Variants in METTL15 observed in about 807,000 individuals in gnomAD.
METTL15 encodes 12S rRNA N(4)-cytidine methyltransferase METTL15.
A neutral mutation model predicts 38.3 loss-of-function variants in METTL15; 34 were observed. That is an observed-to-expected ratio of 0.89 (90% CI 0.68 to 1.18). The LOEUF is 1.18. METTL15 is among the 50% of genes most tolerant of loss of function. The pLI is 0.00. For synonymous variants in METTL15, 162 were observed against 170.9 expected, an observed-to-expected ratio of 0.95 and a Z score of 0.41; for missense variants, 438 against 498.4, an observed-to-expected ratio of 0.88 and a Z score of 1.15.
chr11:28,310,517 A>T (rs1857238595), intron 6 of METTL15, among the ~76,000 whole-genome samples: 1 of 152,108 alleles, frequency 6.6e-6, no homozygotes, highest in South Asian at 2.1e-4. Context: ...ATAATTTTTT[A>T]GAATCTTAAT....
At chr11:28,154,560 G>A (rs1237088125) in intron 3 of METTL15, among the ~76,000 whole-genome samples, 1 of 152,076 alleles carries the variant, frequency 6.6e-6, no homozygotes, top group Non-Finnish European at 1.5e-5. Context: ...TATAAATTTT[G>A]TTATTAGATA....
chr11:28,489,588 CTGAG>C (rs1851476499), intron 6 of METTL15, among the ~76,000 whole-genome samples: 1 of 151,900 alleles, frequency 6.6e-6, no homozygotes, highest in Non-Finnish European at 1.5e-5. Context: ...GAAAGGGAGA[CTGAG>C]TGCTATGGAA....
intron 6 of METTL15, among the ~76,000 whole-genome samples, chr11:28,506,239 A>AC (rs1333395483): frequency 2.6e-5 from 4 of 152,126 alleles, no homozygotes; most frequent in Non-Finnish European, 5.9e-5. Flanking sequence ...GTTTCTACTA[A>AC]CCATATTGGC....
At chr11:28,263,855 G>A (rs1033620641) in intron 4 of METTL15, among the ~76,000 whole-genome samples, 1 of 151,896 alleles carries the variant, frequency 6.6e-6, no homozygotes, top group African/African-American at 2.4e-5. Context: ...AAGTATGGTT[G>A]TATTCTGTCA....
chr11:28,432,188 T>C (rs1850938391), intron 6 of METTL15, among the ~76,000 whole-genome samples: 1 of 152,232 alleles, frequency 6.6e-6, no homozygotes, highest in African/African-American at 2.4e-5. Context: ...AAAAATGGTA[T>C]AGATAGTTAT....
chr11:28,222,289 G>A (rs185383206), intron 4 of METTL15, among the ~76,000 whole-genome samples: 7 of 152,274 alleles, frequency 4.6e-5, no homozygotes, highest in East Asian at 3.9e-4. Flanking sequence ...CTCCCTTGCC[G>A]TTTGATCTCA....
intron 3 of METTL15, among the ~76,000 whole-genome samples, chr11:28,194,516 C>T (rs896089485): frequency 6.6e-5 from 10 of 151,656 alleles, no homozygotes; most frequent in East Asian, 5.8e-4. Context: ...TTTCATTCTG[C>T]GGTTGAAACT....
intron 5 of METTL15, among the ~76,000 whole-genome samples, chr11:28,396,343 C>T (rs1298395624): frequency 6.6e-6 from 1 of 152,112 alleles, no homozygotes; most frequent in Non-Finnish European, 1.5e-5. Context: ...ATTTAGAAAA[C>T]CCCATTGTCT....
downstream of METTL15, among the ~76,000 whole-genome samples, chr11:28,336,701 C>T (rs140048705): frequency 1.1e-4 from 17 of 152,246 alleles, no homozygotes; most frequent in East Asian, 1.3e-3. Flanking sequence ...CACAGGGCAA[C>T]GTAATAGTCA....
At chr11:28,244,753 A>G (rs1854441142) in intron 4 of METTL15, among the ~76,000 whole-genome samples, 1 of 152,254 alleles carries the variant, frequency 6.6e-6, no homozygotes, top group African/African-American at 2.4e-5. Context: ...ATAGTTGAGA[A>G]GCCAAACAGG....
At chr11:28,246,286 G>A (rs567762333) in intron 4 of METTL15, among the ~76,000 whole-genome samples, 113 of 152,206 alleles carry the variant, frequency 7.4e-4, no homozygotes, top group African/African-American at 2.6e-3. Flanking sequence ...AATATCATAT[G>A]TGTTTGAAAA....
intron 4 of METTL15, among the ~76,000 whole-genome samples, chr11:28,217,470 A>C (rs1434407131): frequency 2.0e-5 from 3 of 152,120 alleles, no homozygotes; most frequent in African/African-American, 7.2e-5. Context: ...CCTTTGTCAG[A>C]TGAGTAGGTT....
At chr11:28,115,199 A>G (rs34337978) in intron 3 of METTL15, among the ~76,000 whole-genome samples, 37,638 of 152,030 alleles carry the variant, frequency 0.25, 4,904 homozygotes, top group African/African-American at 0.29. Flanking sequence ...ATAACCTACT[A>G]TTGACCAGAA....
Position 28,321,364 on chromosome 11 carries a change from C to T in METTL15, c.779-9032C>T, listed in dbSNP as rs903937338. The stretch of plus-strand genomic sequence containing the variant: ...CTGAAAATTGAACTTAGAGCCCTTT[C>T]TCTGAAGGTCAGTGACATTTCCATT... On this transcript the variant is annotated intron_variant, in intron 6 of 6. Coordinates refer to ENST00000407364, the MANE Select transcript of METTL15 (RefSeq NM_001113528.2). 2.6e-5 allele frequency among the ~76,000 whole-genome samples: 4 copies of T among 152,248 alleles called. No homozygotes were observed. The East Asian group carries it at 7.7e-4, about 29-fold the overall frequency.
At chr11:28,212,446 C>T (rs1009689463) in intron 4 of METTL15, among the ~76,000 whole-genome samples, 1 of 152,090 alleles carries the variant, frequency 6.6e-6, no homozygotes, top group Admixed American at 6.6e-5. Flanking sequence ...TGTATGAGTT[C>T]ACTTGGTTAT....
At chr11:28,477,797 T>C (rs184795210) in intron 6 of METTL15, among the ~76,000 whole-genome samples, 2 of 152,340 alleles carry the variant, frequency 1.3e-5, no homozygotes, top group East Asian at 3.9e-4. Context: ...TCTTGAGCCA[T>C]TCATTATCCT....
chr11:28,416,330 A>T (rs1206593987), intron 5 of METTL15, among the ~76,000 whole-genome samples: 2 of 152,190 alleles, frequency 1.3e-5, no homozygotes, highest in African/African-American at 4.8e-5. Context: ...GTGGAGTGGG[A>T]CACTCTGAGA....
intron 5 of METTL15, among the ~76,000 whole-genome samples, chr11:28,400,378 T>TA (rs1381599649): frequency 1.3e-5 from 2 of 151,936 alleles, no homozygotes; most frequent in Admixed American, 1.3e-4. Context: ...GGAGGGGAGA[T>TA]ATGACACCTT....
chr11:28,369,621 G>A (rs1258398539), intron 5 of METTL15, among the ~76,000 whole-genome samples: 1 of 152,120 alleles, frequency 6.6e-6, no homozygotes, highest in Non-Finnish European at 1.5e-5. Flanking sequence ...AACATTGGTA[G>A]TGGGGTTATA....
Sources: allele counts gnomAD v4.1 joint callset (sites outside exome capture counted in the v4.1 genomes callset), GRCh38; gene constraint gnomAD v4.1.1; transcripts MANE v1.5; gene names NCBI Gene and HGNC (gene_info 2026-07-23, HGNC 2026-07-21).